The following FHIP2B variants were observed in gnomAD, a reference collection of about 807,000 sequenced individuals.
The protein encoded by FHIP2B is FHF complex subunit HOOK interacting protein 2B.
In FHIP2B, 72 loss-of-function variants were observed where a neutral mutation model predicts 84.0. The ratio of observed to expected loss-of-function variants is 0.86; its 90% CI spans 0.71 to 1.04. FHIP2B has a LOEUF of 1.04. Ranked by LOEUF, FHIP2B falls within the 50% of genes least tolerant of loss-of-function variation. The pLI is 0.00. For missense variants in FHIP2B, 972 were observed against 968.9 expected (o/e 1.00, Z -0.04); for synonymous variants, 497 against 418.7 (o/e 1.19, Z -2.28).
rs752372142 is a variant in FHIP2B at position 22,103,004 on chromosome 8, C to T, written c.*73C>T. 57 of 1,527,034 alleles carry T rather than the reference C, an allele frequency of 3.7e-5. No individual in the cohort carries two copies. The highest frequency in any genetic ancestry group is 4.7e-5 in the Non-Finnish European group (53 of 1,134,266). 94.6% of individuals were successfully genotyped at this position (1,527,034 alleles called of 1,614,324 possible). On this transcript the variant is annotated 3_prime_UTR_variant, in exon 17 of 17. Coordinates refer to ENST00000289921, the MANE Select transcript of FHIP2B (RefSeq NM_022749.7). ...AGCTGCCTCCTGCCTGGCACTGCCG[C>T]CACACTCCCCTCCTGGGATGGGGCT...
At chr8:22,095,036 C>A in intron 2 of FHIP2B, 1 of 315,492 alleles carries the variant, frequency 3.2e-6, no homozygotes, top group Non-Finnish European at 4.7e-6. Context: ...AAAGCCTTGG[C>A]ACCTGGTCCC....
At position 22,103,084 on chromosome 8, in the gene FHIP2B, GTT is replaced by G; in HGVS notation, c.*155_*156del. On this transcript the variant is annotated 3_prime_UTR_variant, in exon 17 of 17. Coordinates refer to ENST00000289921, the MANE Select transcript of FHIP2B (RefSeq NM_022749.7). ...CGGCATGTTGACCACACCAGACTGG[GTT>G]TCAGGGAATGGGCATGCCAGGTGCC... The G allele has an allele frequency of 9.6e-7, 1 of 1,037,410 alleles. No homozygotes were observed. The highest frequency in any genetic ancestry group is 1.4e-6 in the Non-Finnish European group (1 of 735,576). 64.3% of individuals were successfully genotyped at this position (1,037,410 alleles called of 1,614,324 possible). A position where few individuals can be genotyped will look rare whatever the true frequency, so the allele number is the denominator to read the frequency against.
intron 1 of FHIP2B, among the ~76,000 whole-genome samples, chr8:22,091,720 G>C (rs1338023824): frequency 1.3e-5 from 2 of 152,058 alleles, no homozygotes; most frequent in African/African-American, 4.8e-5. Context: ...TATTCTTTTT[G>C]GTTAAAGCCC....
intron 7 of FHIP2B, 63 bp from the exon 8 acceptor site, chr8:22,098,885 C>G: frequency 7.3e-7 from 1 of 1,368,890 alleles, no homozygotes; most frequent in Non-Finnish European, 1.0e-6. Flanking sequence ...TTTCAGGACA[C>G]ATTGAGGAAG....
intron 10 of FHIP2B, 116 bp downstream of exon 10, chr8:22,100,009 C>T: frequency 9.6e-7 from 1 of 1,043,686 alleles, no homozygotes; most frequent in Non-Finnish European, 1.3e-6. Flanking sequence ...AGACACTGAA[C>T]TGCAAAACAC....
Position 22,089,756 on chromosome 8 carries a change from C to T in FHIP2B, c.45+458C>T, listed in dbSNP as rs1825373025. On this transcript the variant is annotated intron_variant, in intron 1 of 16. Transcript: ENST00000289921. The stretch of plus-strand genomic sequence containing the variant: ...CCGTCCCTTCCCCTCGGTCTGATCT[C>T]CCAGACAACTCCAGGACCTTGTTGG... The T allele has an allele frequency of 3.9e-6, 5 of 1,272,912 alleles. No homozygotes were observed. In the South Asian group the frequency reaches 5.0e-5, roughly 13 times the overall value. 78.9% of individuals were successfully genotyped at this position (1,272,912 alleles called of 1,614,324 possible). A position where few individuals can be genotyped will look rare whatever the true frequency, so the allele number is the denominator to read the frequency against.
chr8:22,089,859 A>G (rs1008900804), intron 1 of FHIP2B: 1 of 1,274,234 alleles, frequency 7.8e-7, no homozygotes, highest in South Asian at 1.2e-5. Context: ...CGAAGGGTAA[A>G]GACCCGGGGC....
rs373250420 is a variant in FHIP2B, at chr8:22,102,323, C to A, written c.1992+8C>A. ...TTCTCCGTGTTGGTGAGGGTGAGGA[C>A]GCCTCGGCCCAAGGGAGTGTGCCTA... is the stretch of plus-strand genomic sequence containing the variant. On this transcript the variant is annotated splice_region_variant and intron_variant, in intron 15 of 16. Transcript: ENST00000289921. 81 of 1,611,314 alleles carry A rather than the reference C, an allele frequency of 5.0e-5. No individual in the cohort carries two copies. The highest frequency in any genetic ancestry group is 5.7e-5 in the Non-Finnish European group (67 of 1,179,704).
At chr8:22,097,076 C>T (rs1160438953) in intron 3 of FHIP2B, 2 of 188,776 alleles carry the variant, frequency 1.1e-5, no homozygotes, top group Admixed American at 5.5e-5. Flanking sequence ...GACAAGAATC[C>T]TAGTGGGAGA....
intron 12 of FHIP2B, 148 bp downstream of exon 12, chr8:22,101,120 C>A: frequency 9.8e-7 from 1 of 1,018,484 alleles, no homozygotes; most frequent in African/African-American, 1.6e-5. Context: ...GGTTCCGGAT[C>A]CAAGCGATTC....
Position 22,099,803 on chromosome 8 carries a change from G to C in FHIP2B, c.1251G>C (p.Leu417=). 1.9e-6 allele frequency: 3 copies of C among 1,612,900 alleles called. No individual in the cohort carries two copies. Among genetic ancestry groups the C allele is most frequent in the Non-Finnish European group, 2.5e-6 (3 of 1,179,678 alleles). Residue 417 remains leucine, a synonymous_variant, in exon 10 of 17, where the codon CTG becomes CTC. Transcript: ENST00000289921. Reference sequence around the variant, plus strand: ...TGCGGGAGGCCGTGGCTTTCCTCCTGGGCACAGACCGGCAGCCTGAAGCCC... The same window carrying C: ...TGCGGGAGGCCGTGGCTTTCCTCCTCGGCACAGACCGGCAGCCTGAAGCCC... The part of the protein sequence containing the change: ...ALLREAVAFL[L]GTDRQPEAPG...
At chr8:22,095,556 A>G (rs1165520542) in intron 2 of FHIP2B, 1 of 152,260 alleles carries the variant, frequency 6.6e-6, no homozygotes, top group Non-Finnish European at 1.5e-5. Flanking sequence ...GCTCAGTAAG[A>G]TCAGATCAGA....
At position 22,098,254 on chromosome 8, in the gene FHIP2B, G is replaced by T. The variant is rs139434422; in HGVS notation, c.712G>T (p.Gly238Cys). The change falls in exon 6 of 17, where the codon GGT becomes TGT. Residue 238 changes from glycine to cysteine, a missense_variant. Physicochemically the swap from Gly to Cys is radical, Grantham distance 159. Transcript: ENST00000289921. The part of the protein sequence containing the change: ...HMPAETEELD[G>C]GTTESNLITS... The stretch of plus-strand genomic sequence containing the variant: ...GCCTGCTGAGACCGAGGAGCTGGAC[G>T]GTGGGACCACAGAGAGCAACCTGAT... The T allele has an allele frequency of 2.2e-4, 347 of 1,594,106 alleles. 1 individual carries two copies. Among genetic ancestry groups the T allele is most frequent in the Middle Eastern group, 1.7e-3 (10 of 5,958 alleles).
At chr8:22,100,996 GAACCA>G (rs746041818) in intron 12 of FHIP2B, 24 bp downstream of exon 12, 384 of 1,608,376 alleles carry the variant, frequency 2.4e-4, no homozygotes, top group Non-Finnish European at 3.0e-4. Context: ...TAGGCAGTCT[GAACCA>G]CTTGAGTTTT....
chr8:22,102,065 G>A, intron 14 of FHIP2B, 110 bp from the exon 15 acceptor site: 2 of 1,584,112 alleles, frequency 1.3e-6, no homozygotes, highest in South Asian at 2.3e-5. Context: ...CACATCACGT[G>A]AGCCTCCCAC....
In FHIP2B at chr8:22,100,963, T is replaced by C. The variant is rs774657685; in HGVS notation, c.1607T>C (p.Ile536Thr). 6.2e-7 allele frequency: 1 copy of C among 1,613,770 alleles called. No individual in the cohort carries two copies. Among genetic ancestry groups the C allele is most frequent in the South Asian group, 1.1e-5 (1 of 91,082 alleles). Residue 536 changes from isoleucine to threonine, a missense_variant, in exon 12 of 17, where the codon ATC becomes ACC. Transcript: ENST00000289921. ...SYDGKTAVTE[I>T]VNSFLCLVPE... is the part of the protein sequence containing the mutation. ...GATGGCAAAACAGCAGTGACCGAGA[T>C]CGTCAACAGGTGGGGAGCAAGTTAG...
Position 22,103,474 on chromosome 8 carries a change from T to G in FHIP2B, c.*543T>G, listed in dbSNP as rs1826235936. On this transcript the variant is annotated 3_prime_UTR_variant, in exon 17 of 17. Transcript: ENST00000289921. ...ATGGGATCGTCGGGGAAGCCCCTCT[T>G]CCTGCTCTGCTCCCCTGGAAACTGT... 6.5e-6 allele frequency: 1 copy of G among 152,758 alleles called. No individual in the cohort carries two copies. The highest frequency in any genetic ancestry group is 1.5e-5 in the Non-Finnish European group (1 of 68,460). The allele number at this position is 152,758 out of a possible 1,614,324, so 9.5% of individuals were successfully genotyped here.
chr8:22,099,807 A>G lies in FHIP2B; in HGVS notation c.1255A>G (p.Thr419Ala). The G allele has an allele frequency of 6.2e-7, 1 of 1,612,994 alleles. No homozygotes were observed. Among genetic ancestry groups the G allele is most frequent in the Non-Finnish European group, 8.5e-7 (1 of 1,179,688 alleles). The part of the protein sequence containing the change: ...LREAVAFLLG[T>A]DRQPEAPGDN... ...GGAGGCCGTGGCTTTCCTCCTGGGC[A>G]CAGACCGGCAGCCTGAAGCCCCCGG... The change falls in exon 10 of 17, where the codon ACA (threonine) becomes GCA (alanine). Residue 419 changes from threonine to alanine, a missense_variant. Transcript: ENST00000289921.
chr8:22,102,284 G>A lies in FHIP2B; in HGVS notation c.1961G>A (p.Gly654Asp). ...LLDPYISLAP[G>D]CRSLFSVLVR... ...GATCCGTACATCAGCCTGGCCCCCG[G>A]CTGCAGGAGCCTATTCTCCGTGTTG... Residue 654 changes from glycine to aspartate, a missense_variant, in exon 15 of 17, where the codon GGC becomes GAC. Transcript: ENST00000289921. 6.2e-7 allele frequency: 1 copy of A among 1,612,942 alleles called. No individual in the cohort carries two copies. The highest frequency in any genetic ancestry group is 1.3e-5 in the African/African-American group (1 of 75,014).
Sources: gnomAD v4.1 joint callset for allele counts (sites outside exome capture counted in the v4.1 genomes callset) on GRCh38, gnomAD v4.1.1 for gene constraint, MANE v1.5 for transcripts, NCBI Gene and HGNC (gene_info 2026-07-23, HGNC 2026-07-21) for gene names.